Variants in PPM1L observed in about 807,000 individuals in gnomAD.
PPM1L encodes protein phosphatase 1L.
PPM1L carries 13 observed loss-of-function variants against 31.4 expected under a neutral mutation model. That is an observed-to-expected ratio of 0.41 (90% CI 0.27 to 0.66). The LOEUF (loss-of-function observed/expected upper bound fraction) is 0.66. Among genes scored for constraint, PPM1L ranks in the 30% least tolerant of loss-of-function variants. The probability of loss-of-function intolerance (pLI) is 0.29; values close to 1 mark genes in which losing one functional copy is unlikely to be tolerated. For synonymous variants in PPM1L, 184 were observed against 175.4 expected (o/e 1.05, Z -0.39); for missense variants, 326 against 453.7 (o/e 0.72, Z 2.56).
At chr3:161,034,278 G>A (rs1229842703) in intron 2 of PPM1L, among the ~76,000 whole-genome samples, 1 of 152,220 alleles carries the variant, frequency 6.6e-6, no homozygotes, top group African/African-American at 2.4e-5. Flanking sequence ...GTGGAAGACA[G>A]TGTGGCGATT....
At chr3:160,987,972 G>C (rs1174642189) in intron 2 of PPM1L, among the ~76,000 whole-genome samples, 1 of 152,182 alleles carries the variant, frequency 6.6e-6, no homozygotes, top group Non-Finnish European at 1.5e-5. Context: ...GGCTTATATG[G>C]CGGAATTTTC....
intron 1 of PPM1L, among the ~76,000 whole-genome samples, chr3:160,832,744 CA>C (rs1320136761): frequency 6.6e-6 from 1 of 151,804 alleles, no homozygotes; most frequent in African/African-American, 2.4e-5. Context: ...TACTTTTTAC[CA>C]GTATTTTATT....
chr3:160,917,949 A>G (rs958305680), intron 1 of PPM1L, among the ~76,000 whole-genome samples: 1 of 152,214 alleles, frequency 6.6e-6, no homozygotes, highest in Admixed American at 6.5e-5. Context: ...TTATGTGTCA[A>G]GATTTAGCAC....
chr3:161,031,836 C>G (rs1484786651), intron 2 of PPM1L, among the ~76,000 whole-genome samples: 1 of 152,044 alleles, frequency 6.6e-6, no homozygotes, highest in Non-Finnish European at 1.5e-5. Flanking sequence ...CACCAGCAGT[C>G]CATGAGGAGG....
chr3:160,983,814 CG>C (rs1261564982), intron 2 of PPM1L, among the ~76,000 whole-genome samples: 1 of 152,006 alleles, frequency 6.6e-6, no homozygotes, highest in Non-Finnish European at 1.5e-5. Flanking sequence ...GCTGGGTGTC[CG>C]GGGGAGACAT....
At chr3:160,871,735 C>T (rs1168473712) in intron 1 of PPM1L, among the ~76,000 whole-genome samples, 1 of 151,138 alleles carries the variant, frequency 6.6e-6, no homozygotes, top group Non-Finnish European at 1.5e-5. Context: ...TTGTTTCCCT[C>T]TGTTTTTTCC....
chr3:160,960,219 A>G (rs1715907448), intron 1 of PPM1L, among the ~76,000 whole-genome samples: 1 of 152,200 alleles, frequency 6.6e-6, no homozygotes, highest in African/African-American at 2.4e-5. Context: ...ATAGCTGTAC[A>G]GAATTTTAAA....
intron 2 of PPM1L, among the ~76,000 whole-genome samples, chr3:161,064,447 G>T (rs2108109402): frequency 6.6e-6 from 1 of 152,156 alleles, no homozygotes; most frequent in East Asian, 1.9e-4. Flanking sequence ...TGACATTCTT[G>T]TTATAGAATA....
At chr3:160,898,548 T>C (rs1713424100) in intron 1 of PPM1L, among the ~76,000 whole-genome samples, 2 of 152,226 alleles carry the variant, frequency 1.3e-5, no homozygotes, top group South Asian at 4.1e-4. Flanking sequence ...TTTTTAATTG[T>C]GAGGCCTCAA....
At chr3:160,881,337 C>G (rs1712705148) in intron 1 of PPM1L, among the ~76,000 whole-genome samples, 1 of 152,000 alleles carries the variant, frequency 6.6e-6, no homozygotes, top group Admixed American at 6.6e-5. Context: ...TCATTTTTTT[C>G]ATGATGGAGA....
At chr3:161,009,851 TATTA>T (rs1333779547) in intron 2 of PPM1L, among the ~76,000 whole-genome samples, 1 of 152,182 alleles carries the variant, frequency 6.6e-6, no homozygotes, top group African/African-American at 2.4e-5. Context: ...TGCTCTATAC[TATTA>T]ATTAAGCACA....
chr3:160,985,979 C>A (rs1716950088), intron 2 of PPM1L, among the ~76,000 whole-genome samples: 1 of 37,238 alleles, frequency 2.7e-5, no homozygotes, highest in Non-Finnish European at 6.9e-5. Context: ...TCTCCACCCA[C>A]CCAAAAAAAA....
chr3:161,065,678 A>T (rs1430765163), intron 3 of PPM1L, 114 bp downstream of exon 3: 4 of 787,962 alleles, frequency 5.1e-6, no homozygotes, highest in Non-Finnish European at 7.8e-6. Flanking sequence ...AGAGGCTGCT[A>T]CTGAGGTAAC....
chr3:160,834,646 T>G (rs1713642186), intron 1 of PPM1L, among the ~76,000 whole-genome samples: 1 of 152,154 alleles, frequency 6.6e-6, no homozygotes, highest in Admixed American at 6.5e-5. Context: ...TGTTATTAAG[T>G]GCAATCATAT....
intron 1 of PPM1L, among the ~76,000 whole-genome samples, chr3:160,915,938 C>T (rs1714161011): frequency 6.6e-6 from 1 of 152,130 alleles, no homozygotes; most frequent in African/African-American, 2.4e-5. Context: ...AAATGTTAGA[C>T]CTAAAACCAT....
rs1719903939 is a variant in PPM1L at position 161,071,119 on chromosome 3, G to A, written c.*1962G>A. Reference sequence around the variant, plus strand: ...GGGTGGGGACAGGGAAGGGAATGTGGAAAACAAATGCTGGCTGTGAGCAGT... The same window carrying A: ...GGGTGGGGACAGGGAAGGGAATGTGAAAAACAAATGCTGGCTGTGAGCAGT... On this transcript the variant is annotated 3_prime_UTR_variant, in exon 4 of 4. Transcript: ENST00000498165. The A allele has an allele frequency of 6.6e-6, 1 of 152,204 alleles. No individual in the cohort carries two copies. Among genetic ancestry groups the A allele is most frequent in the Non-Finnish European group, 1.5e-5 (1 of 68,070 alleles). 9.4% of individuals were successfully genotyped at this position (152,204 alleles called of 1,614,324 possible).
intron 1 of PPM1L, among the ~76,000 whole-genome samples, chr3:160,846,026 A>C (rs980126750): frequency 6.6e-6 from 1 of 152,118 alleles, no homozygotes; most frequent in Non-Finnish European, 1.5e-5. Context: ...GTTTTTATAA[A>C]GGTGCTTCAT....
intron 1 of PPM1L, among the ~76,000 whole-genome samples, chr3:160,814,173 C>T (rs1712895269): frequency 6.6e-6 from 1 of 152,146 alleles, no homozygotes; most frequent in Non-Finnish European, 1.5e-5. Flanking sequence ...CCTAACATCT[C>T]ATTTCATTGC....
intron 1 of PPM1L, among the ~76,000 whole-genome samples, chr3:160,760,794 G>T (rs901078968): frequency 4.6e-5 from 7 of 151,392 alleles, no homozygotes; most frequent in African/African-American, 1.5e-4. Context: ...GTTCATGGCT[G>T]AAGCCTAGCT....
Sources: allele counts gnomAD v4.1 joint callset (sites outside exome capture counted in the v4.1 genomes callset), GRCh38; gene constraint gnomAD v4.1.1; transcripts MANE v1.5; gene names NCBI Gene and HGNC (gene_info 2026-07-23, HGNC 2026-07-21).